AMD1: variants seen among roughly 807,000 people sequenced by gnomAD.
AMD1 encodes adenosylmethionine decarboxylase 1.
Under a neutral mutation model 40.2 loss-of-function variants are expected in AMD1, and 11 were observed. That is an observed-to-expected ratio of 0.27 (90% CI 0.17 to 0.45). The LOEUF is 0.45. Among genes scored for constraint, AMD1 ranks in the 20% least tolerant of loss-of-function variants. The pLI is 1.00. For synonymous variants in AMD1, 121 were observed against 130.8 expected (o/e 0.93, Z 0.51); for missense variants, 257 against 410.2 (o/e 0.63, Z 3.23).
the AMD1 span, among the ~76,000 whole-genome samples, chr6:110,863,371 CTTT>C: frequency 4.7e-5 from 6 of 127,768 alleles, no homozygotes; most frequent in East Asian, 2.3e-4. Flanking sequence ...ATTCTGCTTG[CTTT>C]TTTTTTTTTT....
chr6:110,878,268 CCATCTGGAATT>C (rs199745206), intron 1 of AMD1, among the ~76,000 whole-genome samples: 5,513 of 152,256 alleles, frequency 0.036, 125 homozygotes, highest in Middle Eastern at 0.071. Context: ...GATCTGCAAT[CCATCTGGAATT>C]GATTTTGTGT....
At chr6:110,868,991 C>T in the AMD1 span, among the ~76,000 whole-genome samples, 5,419 of 149,870 alleles carry the variant, frequency 0.036, 363 homozygotes, top group East Asian at 0.34. Flanking sequence ...ACCCGGGAGG[C>T]GGAGGTTGTG....
chr6:110,829,452 G>A, the AMD1 span, among the ~76,000 whole-genome samples: 1 of 151,866 alleles, frequency 6.6e-6, no homozygotes, highest in Non-Finnish European at 1.5e-5. Context: ...GGCTGAGGCG[G>A]GCAGATCACG....
At chr6:110,890,623 C>G (rs142995002) in intron 4 of AMD1, among the ~76,000 whole-genome samples, 1,645 of 152,196 alleles carry the variant, frequency 0.011, 20 homozygotes, top group Middle Eastern at 0.048. Context: ...GTAGCTGGGG[C>G]TACAGATGTT....
chr6:110,855,822 T>G, the AMD1 span, among the ~76,000 whole-genome samples: 50 of 152,258 alleles, frequency 3.3e-4, no homozygotes, highest in African/African-American at 1.2e-3. Context: ...GATGCATGCC[T>G]GTAATCCCAA....
chr6:110,873,926 T>A (rs1352556805), upstream of AMD1, among the ~76,000 whole-genome samples: 3 of 152,202 alleles, frequency 2.0e-5, no homozygotes, highest in Non-Finnish European at 4.4e-5. Flanking sequence ...AAAAACATGA[T>A]CAAATAAGTT....
chr6:110,880,797 C>T (rs1285226952), intron 1 of AMD1, among the ~76,000 whole-genome samples: 2 of 152,118 alleles, frequency 1.3e-5, no homozygotes, highest in Non-Finnish European at 2.9e-5. Context: ...CTCAGCCTCA[C>T]GAGTAGCTGG....
Position 110,875,094 on chromosome 6 carries a change from A to G in AMD1, c.-12A>G. 6.2e-7 allele frequency: 1 copy of G among 1,606,868 alleles called. No homozygotes were observed. The highest frequency in any genetic ancestry group is 8.5e-7 in the Non-Finnish European group (1 of 1,174,932). ...TTTCTGTGGTTGTTGGTTGTTCGCT[A>G]GTCTCACGGTGATGGAAGCTGCACA... On this transcript the variant is annotated 5_prime_UTR_variant, in exon 1 of 9. Coordinates refer to ENST00000368885, the MANE Select transcript of AMD1 (RefSeq NM_001634.6).
the AMD1 span, among the ~76,000 whole-genome samples, chr6:110,826,621 ATC>A: frequency 6.6e-6 from 1 of 151,152 alleles, no homozygotes. Flanking sequence ...CATAACTCAA[ATC>A]TCTGTCTCCA....
At position 110,892,847 on chromosome 6, in the gene AMD1, T is replaced by A. The variant is rs762135977; in HGVS notation, c.708+20T>A. ...TCGGATGTGAGTAGTTATATATTGC[T>A]TCAATAATTATTTAAATGTGAATAG... On this transcript the variant is annotated intron_variant, in intron 7 of 8. Transcript: ENST00000368885. 18 of 1,613,540 alleles carry A rather than the reference T, an allele frequency of 1.1e-5. No homozygotes were observed. In the East Asian group the frequency reaches 4.0e-4, roughly 36 times the overall value.
In AMD1 at chr6:110,893,773, A is replaced by G; in HGVS notation, c.*157A>G. 1.3e-6 allele frequency: 1 copy of G among 760,802 alleles called. No individual in the cohort carries two copies. Among genetic ancestry groups the G allele is most frequent in the Non-Finnish European group, 2.0e-6 (1 of 490,204 alleles). 47.1% of individuals were successfully genotyped at this position (760,802 alleles called of 1,614,324 possible). ...TGATAGTGTAATCATTTTGAATTGT[A>G]TGCATTATTATATCAAGGAGTTAGA... is the stretch of plus-strand genomic sequence containing the variant. On this transcript the variant is annotated 3_prime_UTR_variant, in exon 9 of 9. Transcript: ENST00000368885.
At chr6:110,885,372 C>T (rs1253732926) in intron 1 of AMD1, among the ~76,000 whole-genome samples, 1 of 151,998 alleles carries the variant, frequency 6.6e-6, no homozygotes, top group Non-Finnish European at 1.5e-5. Context: ...CTCGGCTGCC[C>T]AAAGTGGTGG....
At chr6:110,888,642 G>T (rs1583220588) in intron 2 of AMD1, 6 of 342,048 alleles carry the variant, frequency 1.8e-5, no homozygotes, top group Middle Eastern at 8.7e-4. Context: ...TTTATATTAT[G>T]AATATACGAA....
rs749045066 is a variant in AMD1, at chr6:110,893,462, AT to A, written c.865-8del. 39 of 1,611,930 alleles carry A rather than the reference AT, an allele frequency of 2.4e-5. 1 individual carries two copies. Among genetic ancestry groups the A allele is most frequent in the Middle Eastern group, 3.3e-4 (2 of 6,062 alleles). On this transcript the variant is annotated splice_polypyrimidine_tract_variant and intron_variant, in intron 8 of 8. Coordinates refer to ENST00000368885, the MANE Select transcript of AMD1 (RefSeq NM_001634.6). ...GATTGCAAACACTAACGGTTATTTA[AT>A]TTTTTCCCCCAGAGTTCTAAATGTC...
At chr6:110,843,858 G>A in the AMD1 span, among the ~76,000 whole-genome samples, 4 of 152,258 alleles carry the variant, frequency 2.6e-5, no homozygotes, top group South Asian at 2.1e-4. Flanking sequence ...AAAGTGTTGC[G>A]ATTACAGGTG....
intron 1 of AMD1, among the ~76,000 whole-genome samples, chr6:110,880,760 C>T (rs1325477369): frequency 6.6e-6 from 1 of 152,136 alleles, no homozygotes; most frequent in Non-Finnish European, 1.5e-5. Flanking sequence ...GTAGCCTCCG[C>T]CTCCTGGGTT....
chr6:110,817,071 A>G, the AMD1 span, among the ~76,000 whole-genome samples: 1 of 152,216 alleles, frequency 6.6e-6, no homozygotes. Flanking sequence ...CCTCCCCTGT[A>G]ATGGTGAGCC....
the AMD1 span, among the ~76,000 whole-genome samples, chr6:110,834,092 A>G: frequency 6.6e-6 from 1 of 152,116 alleles, no homozygotes; most frequent in African/African-American, 2.4e-5. Context: ...CATCATGCCC[A>G]GCCAATTTGT....
At chr6:110,847,971 C>T in the AMD1 span, among the ~76,000 whole-genome samples, 3 of 151,652 alleles carry the variant, frequency 2.0e-5, no homozygotes, top group East Asian at 5.9e-4. Flanking sequence ...GCCTCAGCCT[C>T]CCAAAGTGCT....
Sources: allele counts gnomAD v4.1 joint callset (sites outside exome capture counted in the v4.1 genomes callset), GRCh38; gene constraint gnomAD v4.1.1; transcripts MANE v1.5; gene names NCBI Gene and HGNC (gene_info 2026-07-23, HGNC 2026-07-21).